ATG7: variants seen among roughly 807,000 people sequenced by gnomAD.
The protein encoded by ATG7 is ubiquitin-like modifier-activating enzyme ATG7.
A neutral mutation model predicts 82.4 loss-of-function variants in ATG7; 70 were observed. The ratio of observed to expected loss-of-function variants is 0.85; its 90% CI spans 0.70 to 1.04. ATG7 has a LOEUF of 1.04. Ranked by LOEUF, ATG7 falls within the 50% of genes least tolerant of loss-of-function variation. The probability of loss-of-function intolerance (pLI) is 0.00; values close to 1 mark genes in which losing one functional copy is unlikely to be tolerated. For missense variants in ATG7, 792 were observed against 864.3 expected (o/e 0.92, Z 1.05); for synonymous variants, 287 against 313.0 (o/e 0.92, Z 0.88).
intron 16 of ATG7, among the ~76,000 whole-genome samples, chr3:11,362,521 T>TGATG (rs2076349604): frequency 6.6e-6 from 1 of 152,256 alleles, no homozygotes; most frequent in African/African-American, 2.4e-5. Context: ...AAGGAACACA[T>TGATG]GATGCAGTTC....
At chr3:11,427,877 C>G (rs915298339) in intron 20 of ATG7, among the ~76,000 whole-genome samples, 1 of 151,784 alleles carries the variant, frequency 6.6e-6, no homozygotes, top group Non-Finnish European at 1.5e-5. Flanking sequence ...AAAGGGAATG[C>G]TGTGTATGGT....
chr3:11,302,395 TTTA>T (rs1453154531), intron 5 of ATG7, among the ~76,000 whole-genome samples: 1 of 152,244 alleles, frequency 6.6e-6, no homozygotes, highest in African/African-American at 2.4e-5. Context: ...AATTATTTCC[TTTA>T]TTATTACCCC....
At chr3:11,514,372 A>G (rs548050433) in intron 20 of ATG7, among the ~76,000 whole-genome samples, 2 of 152,368 alleles carry the variant, frequency 1.3e-5, no homozygotes, top group South Asian at 4.1e-4. Flanking sequence ...TGGGATGCCC[A>G]TCTGACCTTC....
In ATG7 at chr3:11,332,985, C is replaced by A; in HGVS notation, c.781C>A (p.Gln261Lys). The A allele has an allele frequency of 6.5e-7, 1 of 1,541,758 alleles. No homozygotes were observed. Among genetic ancestry groups the A allele is most frequent in the Non-Finnish European group, 8.7e-7 (1 of 1,144,664 alleles). The stretch of plus-strand genomic sequence containing the variant: ...GCATGACAACAGGAGTAGCAGTTTC[C>A]AGTCTGTTGAAGTTGTTTGCTTCCG... Reference protein sequence around the residue: ...LAAHRWSSSFQSVEVVCFRDR... With the variant: ...LAAHRWSSSFKSVEVVCFRDR... The change falls in exon 11 of 21, where the codon CAG becomes AAG. Residue 261 changes from glutamine to lysine, a missense_variant. Coordinates refer to ENST00000693202, the MANE Select transcript of ATG7 (RefSeq NM_001349232.2).
At chr3:11,342,457 TAGAAAC>T (rs1953803569) in intron 13 of ATG7, among the ~76,000 whole-genome samples, 178 bp downstream of exon 13, 1 of 152,120 alleles carries the variant, frequency 6.6e-6, no homozygotes, top group Non-Finnish European at 1.5e-5. Context: ...TATCATCAGA[TAGAAAC>T]AGAAAGTCCT....
chr3:11,368,229 TA>T (rs760208581), intron 18 of ATG7, among the ~76,000 whole-genome samples: 2,830 of 109,328 alleles, frequency 0.026, 82 homozygotes, highest in African/African-American at 0.083. Context: ...TTCTTTTACT[TA>T]AAAAAAAAAA....
At chr3:11,553,635 C>A (rs1179084385) in intron 20 of ATG7, among the ~76,000 whole-genome samples, 1 of 152,212 alleles carries the variant, frequency 6.6e-6, no homozygotes, top group African/African-American at 2.4e-5. Context: ...GACCGCAGAC[C>A]GGCCCATCCA....
chr3:11,402,625 C>T (rs1474946926), intron 19 of ATG7, among the ~76,000 whole-genome samples: 1 of 152,078 alleles, frequency 6.6e-6, no homozygotes, highest in African/African-American at 2.4e-5. Flanking sequence ...AAAGTCAAGG[C>T]CAGCCTGGGC....
At chr3:11,384,456 A>G (rs1245662059) in intron 19 of ATG7, among the ~76,000 whole-genome samples, 2 of 152,172 alleles carry the variant, frequency 1.3e-5, no homozygotes, top group Non-Finnish European at 2.9e-5. Context: ...ATGGGTTATG[A>G]TTAAACTCCT....
rs78463118 is a variant in ATG7 at position 11,310,912 on chromosome 3, A to G, written c.411+1851A>G. 3.9e-5 allele frequency among the ~76,000 whole-genome samples: 6 copies of G among 152,312 alleles called. No homozygotes were observed. The East Asian group carries it at 9.7e-4, about 25-fold the overall frequency. On this transcript the variant is annotated intron_variant, in intron 7 of 20. Transcript: ENST00000693202. ...CTCCCAAAGTGCTGGGATTACAGGC[A>G]TGAGCCACCGCATGCAGCCTGTAGG...
At chr3:11,520,917 C>T (rs2092424293) in intron 20 of ATG7, among the ~76,000 whole-genome samples, 1 of 152,322 alleles carries the variant, frequency 6.6e-6, no homozygotes, top group Non-Finnish European at 1.5e-5. Flanking sequence ...ATGGGGCCAA[C>T]ATTCTGCAAA....
At chr3:11,450,801 G>A (rs759584658) in intron 20 of ATG7, among the ~76,000 whole-genome samples, 4 of 152,200 alleles carry the variant, frequency 2.6e-5, no homozygotes, top group South Asian at 4.1e-4. Context: ...AGTTAAGATC[G>A]TATTTTCTGA....
At chr3:11,299,580 T>C (rs1464135567) in intron 5 of ATG7, among the ~76,000 whole-genome samples, 164 bp downstream of exon 5, 1 of 152,120 alleles carries the variant, frequency 6.6e-6, no homozygotes, top group Non-Finnish European at 1.5e-5. Context: ...TAGAGATGAG[T>C]GCTGGATACT....
chr3:11,510,965 G>A (rs141635225), intron 20 of ATG7, among the ~76,000 whole-genome samples: 3,310 of 152,094 alleles, frequency 0.022, 60 homozygotes, highest in Non-Finnish European at 0.036. Flanking sequence ...TTAAGGTGGC[G>A]CGTCTGGAGT....
intron 19 of ATG7, among the ~76,000 whole-genome samples, chr3:11,419,654 C>G (rs914505588): frequency 7.2e-5 from 11 of 152,160 alleles, no homozygotes; most frequent in Non-Finnish European, 1.2e-4. Flanking sequence ...CTGTGAAAGG[C>G]ATTTTCCAGA....
intron 19 of ATG7, among the ~76,000 whole-genome samples, chr3:11,404,851 G>A (rs966124635): frequency 5.9e-5 from 9 of 151,968 alleles, no homozygotes; most frequent in African/African-American, 2.2e-4. Flanking sequence ...TCATGAGAAC[G>A]GCATGAGAAA....
chr3:11,336,611 C>CT (rs781225108), intron 11 of ATG7, among the ~76,000 whole-genome samples: 1 of 152,246 alleles, frequency 6.6e-6, no homozygotes. Context: ...TTCAATACTT[C>CT]TAAGACATCC....
Position 11,379,831 on chromosome 3 carries a change from T to G in ATG7, c.1876-141T>G, listed in dbSNP as rs373669866. ...TTACGTTACAAGGGAAAATACTCAT[T>G]TCGAACTTATTTTTGCTCATAATCT... On this transcript the variant is annotated intron_variant, in intron 18 of 20. Coordinates refer to ENST00000693202, the MANE Select transcript of ATG7 (RefSeq NM_001349232.2). The G allele has an allele frequency of 1.7e-4, 133 of 761,252 alleles. No homozygotes were observed. In the African/African-American group the frequency reaches 2.1e-3, roughly 12 times the overall value. The allele number at this position is 761,252 out of a possible 1,614,324, so 47.2% of individuals were successfully genotyped here.
intron 20 of ATG7, among the ~76,000 whole-genome samples, chr3:11,504,310 T>C (rs2091557829): frequency 6.6e-6 from 1 of 152,192 alleles, no homozygotes. Flanking sequence ...AACCGCTCAT[T>C]GAATATGAAC....
Sources: allele counts gnomAD v4.1 joint callset (sites outside exome capture counted in the v4.1 genomes callset), GRCh38; gene constraint gnomAD v4.1.1; transcripts MANE v1.5; gene names NCBI Gene and HGNC (gene_info 2026-07-23, HGNC 2026-07-21).